The following SDK1 variants were observed in gnomAD, a reference collection of about 807,000 sequenced individuals.
The protein encoded by SDK1 is protein sidekick-1.
SDK1 carries 157 observed loss-of-function variants against 245.5 expected under a neutral mutation model. The ratio of observed to expected loss-of-function variants is 0.64; its 90% CI spans 0.56 to 0.73. The LOEUF is 0.73. Among genes scored for constraint, SDK1 ranks in the 30% least tolerant of loss-of-function variants. The pLI, the probability that SDK1 is intolerant of heterozygous loss-of-function variation, is 0.00. For synonymous variants in SDK1, 1,647 were observed against 1,278.5 expected (o/e 1.29, Z -6.15); for missense variants, 3,583 against 3,002.3 (o/e 1.19, Z -4.52).
intron 1 of SDK1, among the ~76,000 whole-genome samples, chr7:3,577,235 C>G (rs1483036472): frequency 1.3e-5 from 2 of 152,070 alleles, no homozygotes; most frequent in African/African-American, 4.8e-5. Flanking sequence ...CACTACTCTA[C>G]AAATCATCAC....
At chr7:4,215,462 C>T (rs1008849797) in intron 38 of SDK1, among the ~76,000 whole-genome samples, 1 of 152,264 alleles carries the variant, frequency 6.6e-6, no homozygotes, top group Non-Finnish European at 1.5e-5. Context: ...GCACCCTGGT[C>T]CTCCTGCTGC....
chr7:3,927,168 C>T (rs993385696), intron 5 of SDK1, among the ~76,000 whole-genome samples: 1 of 152,148 alleles, frequency 6.6e-6, no homozygotes, highest in African/African-American at 2.4e-5. Context: ...TCTTACTGAA[C>T]CAGGTCTGAC....
At chr7:4,179,060 G>C in intron 35 of SDK1, 1 of 155,826 alleles carries the variant, frequency 6.4e-6, no homozygotes, top group Non-Finnish European at 1.4e-5. Flanking sequence ...TGTGACTGTT[G>C]GGTCTGATTC....
chr7:3,321,414 T>C (rs1779799174), intron 1 of SDK1, among the ~76,000 whole-genome samples: 1 of 152,172 alleles, frequency 6.6e-6, no homozygotes, highest in African/African-American at 2.4e-5. Context: ...CCTCTGGCTC[T>C]AGAGACTCAG....
At chr7:3,476,398 C>A (rs1278383989) in intron 1 of SDK1, among the ~76,000 whole-genome samples, 1 of 152,170 alleles carries the variant, frequency 6.6e-6, no homozygotes, top group African/African-American at 2.4e-5. Flanking sequence ...AGTGGTAGTT[C>A]CAGTACTTCT....
chr7:3,418,658 A>C (rs1779449168), intron 1 of SDK1, among the ~76,000 whole-genome samples: 1 of 152,184 alleles, frequency 6.6e-6, no homozygotes, highest in African/African-American at 2.4e-5. Context: ...GAAGGTATTT[A>C]TTGTTAAGAC....
chr7:3,309,712 A>G (rs924737506), intron 1 of SDK1, among the ~76,000 whole-genome samples: 30 of 152,232 alleles, frequency 2.0e-4, no homozygotes, highest in African/African-American at 7.2e-4. Context: ...CATGGCTGTT[A>G]CCCTAAAGCA....
At chr7:3,408,287 G>A (rs1779105700) in intron 1 of SDK1, among the ~76,000 whole-genome samples, 1 of 151,986 alleles carries the variant, frequency 6.6e-6, no homozygotes, top group South Asian at 2.1e-4. Context: ...CAAGTGATAT[G>A]CCTGCTGTGG....
At position 3,915,784 on chromosome 7, in the gene SDK1, T is replaced by C. The variant is rs1779354211; in HGVS notation, c.848-35139T>C. On this transcript the variant is annotated intron_variant, in intron 5 of 44. Coordinates refer to ENST00000404826, the MANE Select transcript of SDK1 (RefSeq NM_152744.4). The stretch of plus-strand genomic sequence containing the variant: ...AGTACCAAGTCACGTGCTGACTGAC[T>C]GGGTTTTACACGTCCTAGCCACCTT... Among the ~76,000 whole-genome samples, 2 of 152,206 alleles carry C rather than the reference T, an allele frequency of 1.3e-5. 1 individual carries two copies. Among genetic ancestry groups the C allele is most frequent in the South Asian group, 4.1e-4 (2 of 4,834 alleles).
chr7:4,077,083 C>G lies in SDK1; in HGVS notation c.3096C>G (p.Ile1032Met), dbSNP rs201949356. The G allele has an allele frequency of 4.1e-5, 66 of 1,614,188 alleles. No individual in the cohort carries two copies. In the East Asian group the frequency reaches 1.4e-3, roughly 33 times the overall value. ...ACAGCACGACGCACGAGTACAAGATCCAAGGCCTCTCATCTCTCACCACCT... is the reference window on the plus strand; with the variant it reads ...ACAGCACGACGCACGAGTACAAGATGCAAGGCCTCTCATCTCTCACCACCT... ...TLNSTTHEYK[I>M]QGLSSLTTYT... Residue 1032 changes from isoleucine (I) to methionine (M), a missense_variant, in exon 21 of 45, where the codon ATC becomes ATG. By Grantham distance (10) the Ile-to-Met change is conservative. Transcript: ENST00000404826.
chr7:3,371,139 A>C (rs916684902), intron 1 of SDK1, among the ~76,000 whole-genome samples: 5 of 152,170 alleles, frequency 3.3e-5, no homozygotes, highest in African/African-American at 1.2e-4. Context: ...CTGCCTCCAC[A>C]TGCATTGAAG....
intron 5 of SDK1, among the ~76,000 whole-genome samples, chr7:3,874,129 G>A (rs1781019004): frequency 6.6e-6 from 1 of 152,104 alleles, no homozygotes; most frequent in Non-Finnish European, 1.5e-5. Flanking sequence ...TAATATGAAG[G>A]TTTTTGTTCG....
intron 1 of SDK1, among the ~76,000 whole-genome samples, chr7:3,497,533 G>A (rs1782062498): frequency 6.6e-6 from 1 of 152,114 alleles, no homozygotes; most frequent in Non-Finnish European, 1.5e-5. Context: ...TTTGCAAATT[G>A]CAATATAATA....
chr7:3,783,400 A>C (rs1176279041), intron 4 of SDK1, among the ~76,000 whole-genome samples: 1 of 152,146 alleles, frequency 6.6e-6, no homozygotes, highest in African/African-American at 2.4e-5. Context: ...TCGTAATAGG[A>C]AAGGAAGAGC....
intron 5 of SDK1, among the ~76,000 whole-genome samples, chr7:3,835,218 C>T (rs1780003903): frequency 6.6e-6 from 1 of 152,144 alleles, no homozygotes; most frequent in Admixed American, 6.5e-5. Context: ...GATGTTTGAG[C>T]TTCTTTGTCT....
chr7:3,854,768 C>T (rs1452719932), intron 5 of SDK1, among the ~76,000 whole-genome samples: 1 of 152,114 alleles, frequency 6.6e-6, no homozygotes, highest in African/African-American at 2.4e-5. Context: ...CACTCCTTCT[C>T]ACTCCAAATA....
chr7:3,572,853 C>G (rs1412102959), intron 1 of SDK1, among the ~76,000 whole-genome samples: 1 of 151,972 alleles, frequency 6.6e-6, no homozygotes, highest in Non-Finnish European at 1.5e-5. Flanking sequence ...GAAATGTATT[C>G]ACCTGAAGAA....
At chr7:3,417,299 T>C (rs1038047267) in intron 1 of SDK1, among the ~76,000 whole-genome samples, 1 of 152,214 alleles carries the variant, frequency 6.6e-6, no homozygotes, top group African/African-American at 2.4e-5. Context: ...AGGTGGGACA[T>C]GGGCTGCCCC....
At chr7:4,167,515 G>T (rs1166707443) in intron 32 of SDK1, among the ~76,000 whole-genome samples, 3 of 152,210 alleles carry the variant, frequency 2.0e-5, no homozygotes, top group Non-Finnish European at 2.9e-5. Context: ...AAGGTGTTTT[G>T]AGGCAGGACT....
Sources: allele counts gnomAD v4.1 joint callset (sites outside exome capture counted in the v4.1 genomes callset), GRCh38; gene constraint gnomAD v4.1.1; transcripts MANE v1.5; gene names NCBI Gene and HGNC (gene_info 2026-07-23, HGNC 2026-07-21).